Variants in AHSA1 observed in about 807,000 individuals in gnomAD.
AHSA1 encodes the protein activator of 90 kDa heat shock protein ATPase homolog 1.
AHSA1 carries 14 observed loss-of-function variants against 46.1 expected under a neutral mutation model. That is an observed-to-expected ratio of 0.30 (90% CI 0.20 to 0.47). The LOEUF (loss-of-function observed/expected upper bound fraction) is 0.47. Ranked by LOEUF, AHSA1 falls within the 20% of genes least tolerant of loss-of-function variation. AHSA1 has a pLI of 0.99. For synonymous variants in AHSA1, 147 were observed against 145.8 expected (o/e 1.01, Z -0.06); for missense variants, 333 against 415.9 (o/e 0.80, Z 1.73).
In AHSA1 at chr14:77,469,240, C is replaced by T. The variant is rs1223731157; in HGVS notation, c.1008C>T (p.Arg336=). Residue 336 remains arginine (R), a synonymous_variant, in exon 9 of 9, where the codon CGC becomes CGT. Coordinates refer to ENST00000216479, the MANE Select transcript of AHSA1 (RefSeq NM_012111.3). ...GIKQTFGYGA[R]LF is the part of the protein sequence containing the mutation. ...AACAGACCTTTGGCTATGGCGCACG[C>T]TTATTTTAGGGCCAGCGGCAGGGGA... 3.1e-6 allele frequency: 5 copies of T among 1,613,796 alleles called. No homozygotes were observed. Among genetic ancestry groups the T allele is most frequent in the East Asian group, 2.2e-5 (1 of 44,874 alleles).
rs569510025 is a variant in AHSA1 at position 77,460,887 on chromosome 14, T to C, written c.271+1081T>C. 3.6e-3 allele frequency among the ~76,000 whole-genome samples: 541 copies of C among 151,806 alleles called. 4 individuals carry two copies. The highest frequency in any genetic ancestry group is 0.011 in the African/African-American group (468 of 41,368). On this transcript the variant is annotated intron_variant, in intron 2 of 8. Coordinates refer to ENST00000216479, the MANE Select transcript of AHSA1 (RefSeq NM_012111.3). ...GAAATAGATAAATATAGGCCGGGCG[T>C]GGTGGCTAACGCCTGTAATCCCAGC...
chr14:77,458,240 G>T lies in AHSA1; in HGVS notation c.51G>T (p.Ala17=). ...GDPRWIVEER[A]DATNVNNWHW... is the part of the protein sequence containing the mutation. ...CACGCTGGATCGTGGAGGAGCGGGCGGACGCCACCAACGTCAACAACTGGC... is the reference window on the plus strand; with the variant it reads ...CACGCTGGATCGTGGAGGAGCGGGCTGACGCCACCAACGTCAACAACTGGC... Residue 17 remains alanine, a synonymous_variant, in exon 1 of 9, where the codon GCG becomes GCT. Transcript: ENST00000216479. 3 of 1,547,144 alleles carry T rather than the reference G, an allele frequency of 1.9e-6. No individual in the cohort carries two copies. The highest frequency in any genetic ancestry group is 2.6e-6 in the Non-Finnish European group (3 of 1,145,560).
chr14:77,460,152 T>G, intron 2 of AHSA1: 4 of 328,400 alleles, frequency 1.2e-5, no homozygotes, highest in South Asian at 1.1e-4. Flanking sequence ...ATTTTTTTGG[T>G]CTTGATCTTT....
intron 6 of AHSA1, among the ~76,000 whole-genome samples, chr14:77,466,062 C>T (rs2079046843): frequency 6.6e-6 from 1 of 152,172 alleles, no homozygotes; most frequent in Admixed American, 6.5e-5. Flanking sequence ...GTCTGAAACT[C>T]CTGACCTCAA....
At chr14:77,459,858 T>A in intron 2 of AHSA1, 52 bp downstream of exon 2, 1 of 1,595,720 alleles carries the variant, frequency 6.3e-7, no homozygotes. Flanking sequence ...GTTTAACCTG[T>A]TAAGTAGCTG....
chr14:77,464,748 A>G (rs2079040770), intron 5 of AHSA1, 62 bp downstream of exon 5: 2 of 1,406,472 alleles, frequency 1.4e-6, no homozygotes, highest in Admixed American at 1.9e-5. Flanking sequence ...CGCCTTCTTA[A>G]TTCCACATAT....
In AHSA1 at chr14:77,462,777, C is replaced by G. The variant is rs773864643; in HGVS notation, c.472+18C>G. On this transcript the variant is annotated intron_variant, in intron 4 of 8. Transcript: ENST00000216479. Reference sequence around the variant, plus strand: ...CAAAACAGGTATCCCTTGAGTAGTTCTGTATGCCTTAAGGAGGTAGTTTCC... The same window carrying G: ...CAAAACAGGTATCCCTTGAGTAGTTGTGTATGCCTTAAGGAGGTAGTTTCC... 1 of 1,601,690 alleles carries G rather than the reference C, an allele frequency of 6.2e-7. No homozygotes were observed. The highest frequency in any genetic ancestry group is 1.1e-5 in the South Asian group (1 of 90,798).
intron 8 of AHSA1, 31 bp downstream of exon 8, chr14:77,468,539 C>G: frequency 6.4e-7 from 1 of 1,569,028 alleles, no homozygotes; most frequent in Non-Finnish European, 8.7e-7. Context: ...CCATTACCCC[C>G]AGAACTTTTT....
intron 4 of AHSA1, among the ~76,000 whole-genome samples, chr14:77,463,937 A>T (rs1448669826): frequency 6.6e-6 from 1 of 152,270 alleles, no homozygotes; most frequent in African/African-American, 2.4e-5. Context: ...GAGGAAAGGC[A>T]CTAACCATGC....
rs987319433 is a variant in AHSA1, at chr14:77,461,628, G to A, written c.272-532G>A. 3.3e-5 allele frequency among the ~76,000 whole-genome samples: 5 copies of A among 152,184 alleles called. No homozygotes were observed. The East Asian group carries it at 5.8e-4, about 18-fold the overall frequency. On this transcript the variant is annotated intron_variant, in intron 2 of 8. Transcript: ENST00000216479. ...CACAATCAGAGGGAACATTACACTC[G>A]TTGAGGATGGGTATGGCTCACAACA...
intron 1 of AHSA1, among the ~76,000 whole-genome samples, chr14:77,458,519 G>C (rs1030732627): frequency 3.9e-5 from 6 of 152,230 alleles, no homozygotes; most frequent in African/African-American, 1.4e-4. Flanking sequence ...GAGAGACTAG[G>C]AGATAACGCC....
At position 77,460,521 on chromosome 14, in the gene AHSA1, C is replaced by T. The variant is rs76145852; in HGVS notation, c.271+715C>T. Among the ~76,000 whole-genome samples, 43 of 128,754 alleles carry T rather than the reference C, an allele frequency of 3.3e-4. No homozygotes were observed. The East Asian group carries it at 5.9e-3, about 18-fold the overall frequency. 84.5% of individuals were successfully genotyped at this position (128,754 alleles called of 152,430 possible). A position where few individuals can be genotyped will look rare whatever the true frequency, so the allele number is the denominator to read the frequency against. On this transcript the variant is annotated intron_variant, in intron 2 of 8. Coordinates refer to ENST00000216479, the MANE Select transcript of AHSA1 (RefSeq NM_012111.3). ...TGTTAATTTGTTTTTAAAGTACACT[C>T]GAAGCATAGTAGTGTGGAAGGAATC...
intron 2 of AHSA1, 29 bp from the exon 3 acceptor site, chr14:77,462,131 G>A (rs185128910): frequency 1.3e-4 from 198 of 1,547,264 alleles, no homozygotes; most frequent in Middle Eastern, 3.4e-4. Context: ...CCAAGGAGTG[G>A]ACTAATGACA....
At chr14:77,462,330 C>A in intron 3 of AHSA1, 88 bp downstream of exon 3, 4 of 1,331,842 alleles carry the variant, frequency 3.0e-6, no homozygotes, top group Non-Finnish European at 4.3e-6. Context: ...GATTCATAGC[C>A]CAGGCTTGGT....
At chr14:77,458,023 A>G, upstream of AHSA1, 2 of 557,556 alleles carry the variant, frequency 3.6e-6, no homozygotes, top group South Asian at 4.8e-5. Flanking sequence ...GGGAGTGGGG[A>G]GGAGCCGGAA....
upstream of AHSA1, chr14:77,457,989 C>T (rs1355620234): frequency 5.7e-6 from 3 of 526,106 alleles, no homozygotes; most frequent in African/African-American, 4.1e-5. Flanking sequence ...CACGGTGCGG[C>T]GAGTTGGGAC....
chr14:77,459,736 G>C lies in AHSA1; in HGVS notation c.201G>C (p.Glu67Asp). 6.2e-7 allele frequency: 1 copy of C among 1,614,196 alleles called. No individual in the cohort carries two copies. Among genetic ancestry groups the C allele is most frequent in the Non-Finnish European group, 8.5e-7 (1 of 1,180,040 alleles). Residue 67 changes from glutamate to aspartate, a missense_variant, in exon 2 of 9, where the codon GAG becomes GAC. Physicochemically the swap from Glu to Asp is conservative, Grantham distance 45 (BLOSUM62 2). Transcript: ENST00000216479. ...EVTEVSKLDG[E>D]ASINNRKGKL... ...CGGAAGTGAGTAAGCTTGATGGAGA[G>C]GCATCCATTAACAATCGCAAAGGGA... is the stretch of plus-strand genomic sequence containing the variant.
intron 8 of AHSA1, 130 bp downstream of exon 8, chr14:77,468,638 C>T (rs1451516128): frequency 1.2e-6 from 1 of 827,592 alleles, no homozygotes; most frequent in Non-Finnish European, 1.9e-6. Flanking sequence ...TCACAGCAAA[C>T]TGCAGCCTTA....
At chr14:77,466,744 A>G (rs1425605045) in intron 6 of AHSA1, among the ~76,000 whole-genome samples, 1 of 152,266 alleles carries the variant, frequency 6.6e-6, no homozygotes, top group East Asian at 1.9e-4. Flanking sequence ...AAGTTATCTT[A>G]GTTGACTCCA....
Sources: gnomAD v4.1 joint callset for allele counts (sites outside exome capture counted in the v4.1 genomes callset) on GRCh38, gnomAD v4.1.1 for gene constraint, MANE v1.5 for transcripts, NCBI Gene and HGNC (gene_info 2026-07-23, HGNC 2026-07-21) for gene names.